Variants in RALYL observed in about 807,000 individuals in gnomAD.
RALYL encodes the protein RALY RNA binding protein like, also known as RNA-binding Raly-like protein.
RALYL carries 29 observed loss-of-function variants against 35.1 expected under a neutral mutation model. That is an observed-to-expected ratio of 0.83 (90% CI 0.61 to 1.13). The LOEUF (loss-of-function observed/expected upper bound fraction) is 1.13. Ranked by LOEUF, RALYL falls within the 50% of genes most tolerant of loss-of-function variation. The pLI is 0.00. For synonymous variants in RALYL, 120 were observed against 127.6 expected (o/e 0.94, Z 0.40); for missense variants, 359 against 360.4 (o/e 1.00, Z 0.03).
chr8:84,605,824 C>G (rs1016814381), intron 2 of RALYL, among the ~76,000 whole-genome samples: 1 of 152,106 alleles, frequency 6.6e-6, no homozygotes, highest in African/African-American at 2.4e-5. Flanking sequence ...ACCCCGGATT[C>G]TGACCTCCTC....
rs202241897 is a variant in RALYL, at chr8:84,343,891, T to TG, written c.-24+159467_-24+159468insG. On this transcript the variant is annotated intron_variant, in intron 1 of 8. Coordinates refer to ENST00000521268, the MANE Select transcript of RALYL (RefSeq NM_173848.7). ...GAGTTTTTTTGTTTGTTTGTTTGTT[T>TG]TTTTTTTTAACAATTGAAAACGAAA... Among the ~76,000 whole-genome samples the TG allele has an allele frequency of 4.4e-4, 63 of 143,590 alleles. 1 individual carries two copies. Among genetic ancestry groups the TG allele is most frequent in the African/African-American group, 1.7e-3 (62 of 35,546 alleles). The allele number at this position is 143,590 out of a possible 152,430, so 94.2% of individuals were successfully genotyped here.
intron 1 of RALYL, among the ~76,000 whole-genome samples, chr8:84,314,254 T>A (rs529006579): frequency 6.6e-6 from 1 of 151,978 alleles, no homozygotes; most frequent in African/African-American, 2.4e-5. Flanking sequence ...CCTTGACACG[T>A]AGGGATTATA....
intron 1 of RALYL, among the ~76,000 whole-genome samples, chr8:84,425,522 CGCTGGGA>C (rs2046302232): frequency 6.6e-6 from 1 of 152,184 alleles, no homozygotes; most frequent in Admixed American, 6.5e-5. Flanking sequence ...GCGTCGCTCA[CGCTGGGA>C]GCTGTAGACT....
intron 1 of RALYL, among the ~76,000 whole-genome samples, chr8:84,477,003 C>A (rs566642334): frequency 6.6e-6 from 1 of 152,232 alleles, no homozygotes; most frequent in South Asian, 2.1e-4. Context: ...ATAAAAGGAA[C>A]ACAAAGTAGA....
chr8:84,708,925 GA>G (rs1209941269), intron 2 of RALYL, among the ~76,000 whole-genome samples: 1 of 152,176 alleles, frequency 6.6e-6, no homozygotes, highest in East Asian at 1.9e-4. Flanking sequence ...CCATGGCAAA[GA>G]AAACAGTGTG....
intron 2 of RALYL, among the ~76,000 whole-genome samples, chr8:84,638,696 A>C (rs1162316494): frequency 6.6e-6 from 1 of 150,862 alleles, no homozygotes; most frequent in Non-Finnish European, 1.5e-5. Context: ...CCTCAACCCT[A>C]TGCAGTGTAC....
At chr8:84,619,635 TATG>T (rs1318733774) in intron 2 of RALYL, among the ~76,000 whole-genome samples, 6 of 149,462 alleles carry the variant, frequency 4.0e-5, no homozygotes, top group African/African-American at 1.2e-4. Context: ...ATCCTGTCAT[TATG>T]ATGTTAGCTG....
chr8:84,832,735 G>A (rs1163583589), intron 4 of RALYL, among the ~76,000 whole-genome samples: 3 of 151,954 alleles, frequency 2.0e-5, no homozygotes, highest in African/African-American at 7.3e-5. Flanking sequence ...ACTATATAAT[G>A]CTATAATGCA....
At chr8:84,653,969 C>T (rs1829383260) in intron 2 of RALYL, among the ~76,000 whole-genome samples, 1 of 151,190 alleles carries the variant, frequency 6.6e-6, no homozygotes, top group Non-Finnish European at 1.5e-5. Flanking sequence ...GTCTGCCGCT[C>T]TGAAAGGTAA....
At chr8:84,719,364 T>C (rs1843479399) in intron 2 of RALYL, among the ~76,000 whole-genome samples, 1 of 152,182 alleles carries the variant, frequency 6.6e-6, no homozygotes, top group Non-Finnish European at 1.5e-5. Context: ...GTGAACTATC[T>C]CTTGCCTTTT....
intron 1 of RALYL, among the ~76,000 whole-genome samples, chr8:84,248,013 G>C (rs1011903490): frequency 6.6e-6 from 1 of 152,070 alleles, no homozygotes; most frequent in African/African-American, 2.4e-5. Context: ...TTGTGCTTAA[G>C]TTTACTAAAC....
intron 7 of RALYL, among the ~76,000 whole-genome samples, chr8:84,875,726 C>T (rs1322936210): frequency 6.6e-6 from 1 of 152,084 alleles, no homozygotes; most frequent in African/African-American, 2.4e-5. Flanking sequence ...AGAATTAACA[C>T]TACCTTATGG....
chr8:84,538,779 G>A (rs969095963), intron 2 of RALYL, among the ~76,000 whole-genome samples: 14 of 152,070 alleles, frequency 9.2e-5, no homozygotes, highest in African/African-American at 2.7e-4. Flanking sequence ...AGGCTTATGC[G>A]CCAGTTGTGG....
At chr8:84,387,922 C>T (rs983183833) in intron 1 of RALYL, among the ~76,000 whole-genome samples, 8 of 151,466 alleles carry the variant, frequency 5.3e-5, no homozygotes, top group African/African-American at 1.9e-4. Context: ...TATACATGTG[C>T]CATGCTGGTG....
At chr8:84,208,633 A>C (rs1818665121) in intron 1 of RALYL, among the ~76,000 whole-genome samples, 1 of 152,130 alleles carries the variant, frequency 6.6e-6, no homozygotes, top group African/African-American at 2.4e-5. Flanking sequence ...AGCTCATCCC[A>C]CACTTTTCTT....
At chr8:84,380,656 C>T (rs78743186) in intron 1 of RALYL, among the ~76,000 whole-genome samples, 2,527 of 151,858 alleles carry the variant, frequency 0.017, 68 homozygotes, top group African/African-American at 0.057. Flanking sequence ...AAGTGGAGAA[C>T]GAAAAGGAGC....
chr8:84,647,175 T>A (rs1280288421), intron 2 of RALYL, among the ~76,000 whole-genome samples: 2 of 152,070 alleles, frequency 1.3e-5, no homozygotes, highest in African/African-American at 4.8e-5. Context: ...ACAGAGAAGA[T>A]GTTAATGAGA....
intron 1 of RALYL, among the ~76,000 whole-genome samples, chr8:84,212,410 T>C (rs1242634919): frequency 6.6e-6 from 1 of 152,190 alleles, no homozygotes; most frequent in Non-Finnish European, 1.5e-5. Flanking sequence ...TCATTTTTTT[T>C]CTGGGGAGAT....
intron 1 of RALYL, among the ~76,000 whole-genome samples, chr8:84,347,419 G>A (rs911164475): frequency 6.6e-6 from 1 of 151,916 alleles, no homozygotes; most frequent in African/African-American, 2.4e-5. Context: ...ACTATGTTTA[G>A]ATTTCTCCGT....
Sources: gnomAD v4.1 joint callset for allele counts (sites outside exome capture counted in the v4.1 genomes callset) on GRCh38, gnomAD v4.1.1 for gene constraint, MANE v1.5 for transcripts, NCBI Gene and HGNC (gene_info 2026-07-23, HGNC 2026-07-21) for gene names.